The following RARS2 variants were observed in gnomAD, a reference collection of about 807,000 sequenced individuals.
The protein encoded by RARS2 is probable arginine--tRNA ligase, mitochondrial.
In RARS2, 67 loss-of-function variants were observed where a neutral mutation model predicts 88.5. That is an observed-to-expected ratio of 0.76 (90% CI 0.62 to 0.93). The LOEUF is 0.93. Among genes scored for constraint, RARS2 ranks in the 40% least tolerant of loss-of-function variants. The pLI is 0.00. For missense variants in RARS2, 664 were observed against 684.2 expected (o/e 0.97, Z 0.33); for synonymous variants, 239 against 230.3 (o/e 1.04, Z -0.34).
At chr6:87,548,469 C>G in intron 6 of RARS2, 122 bp downstream of exon 6, 1 of 902,432 alleles carries the variant, frequency 1.1e-6, no homozygotes, top group Non-Finnish European at 1.7e-6. Flanking sequence ...GCAGGAGGCT[C>G]ATATAAATTT....
chr6:87,572,772 G>A (rs1320802119), intron 1 of RARS2, among the ~76,000 whole-genome samples: 1 of 152,076 alleles, frequency 6.6e-6, no homozygotes, highest in Admixed American at 6.5e-5. Flanking sequence ...TACCAAAAAT[G>A]AAATGGGGGA....
At chr6:87,563,402 C>A (rs1207514292) in intron 3 of RARS2, among the ~76,000 whole-genome samples, 1 of 152,144 alleles carries the variant, frequency 6.6e-6, no homozygotes, top group Non-Finnish European at 1.5e-5. Flanking sequence ...TGGTAAATAT[C>A]TGGGAGTGAT....
chr6:87,564,059 T>A (rs1582723402), intron 3 of RARS2, 71 bp downstream of exon 3: 2 of 1,137,076 alleles, frequency 1.8e-6, no homozygotes, highest in Admixed American at 1.7e-5. Flanking sequence ...ATGGCTGAGA[T>A]AGCCTGCAAA....
At chr6:87,579,241 C>T (rs1188528281) in intron 1 of RARS2, among the ~76,000 whole-genome samples, 6 of 152,072 alleles carry the variant, frequency 3.9e-5, no homozygotes, top group Admixed American at 2.0e-4. Flanking sequence ...GAATGACCAC[C>T]GGAAATCTTC....
At chr6:87,525,867 A>G (rs544278064) in intron 10 of RARS2, among the ~76,000 whole-genome samples, 118 of 152,104 alleles carry the variant, frequency 7.8e-4, no homozygotes, top group African/African-American at 2.8e-3. Context: ...GCATTTCTAT[A>G]CACAACAACA....
chr6:87,526,200 C>T (rs764931410), intron 10 of RARS2, among the ~76,000 whole-genome samples: 83 of 152,054 alleles, frequency 5.5e-4, no homozygotes, highest in Non-Finnish European at 1.0e-3. Flanking sequence ...CCTCCAAATA[C>T]CCAAAGCAAT....
intron 1 of RARS2, among the ~76,000 whole-genome samples, chr6:87,576,005 G>A (rs1771378914): frequency 6.6e-6 from 1 of 151,372 alleles, no homozygotes; most frequent in Non-Finnish European, 1.5e-5. Context: ...TCACCATGTT[G>A]GCCAGACTAG....
chr6:87,581,105 G>C (rs1374253776), intron 1 of RARS2, among the ~76,000 whole-genome samples: 1 of 152,096 alleles, frequency 6.6e-6, no homozygotes, highest in Non-Finnish European at 1.5e-5. Flanking sequence ...TCAGATAACT[G>C]AGCACAAAGT....
chr6:87,541,819 G>T, intron 8 of RARS2, 99 bp downstream of exon 8: 1 of 938,480 alleles, frequency 1.1e-6, no homozygotes, highest in Non-Finnish European at 1.7e-6. Context: ...GCGAGACCCT[G>T]TCTCAAAATA....
chr6:87,522,283 T>C (rs905814883), intron 11 of RARS2, among the ~76,000 whole-genome samples: 3 of 136,598 alleles, frequency 2.2e-5, no homozygotes, highest in Non-Finnish European at 4.5e-5. Flanking sequence ...TGAGCGAAGA[T>C]CGCACCACTG....
chr6:87,584,754 CA>C, intron 1 of RARS2: 1 of 457,392 alleles, frequency 2.2e-6, no homozygotes, highest in South Asian at 1.6e-5. Flanking sequence ...GAACAGAAGT[CA>C]TATCTCAGGA....
intron 7 of RARS2, among the ~76,000 whole-genome samples, chr6:87,544,678 C>T (rs1171065951): frequency 6.6e-6 from 1 of 152,174 alleles, no homozygotes; most frequent in Non-Finnish European, 1.5e-5. Context: ...ATTTACCTTG[C>T]CCTCTCACAC....
At chr6:87,565,017 C>T (rs1325777521) in intron 2 of RARS2, among the ~76,000 whole-genome samples, 1 of 152,280 alleles carries the variant, frequency 6.6e-6, no homozygotes. Context: ...GAGATCATGC[C>T]ACTGCACTCC....
chr6:87,547,039 T>C (rs554062466), intron 6 of RARS2, among the ~76,000 whole-genome samples: 1 of 152,362 alleles, frequency 6.6e-6, no homozygotes, highest in African/African-American at 2.4e-5. Flanking sequence ...AAGTTACTTT[T>C]GGCTGCTGAA....
At chr6:87,559,847 C>A (rs1055091557) in intron 4 of RARS2, among the ~76,000 whole-genome samples, 2 of 152,176 alleles carry the variant, frequency 1.3e-5, no homozygotes, top group African/African-American at 4.8e-5. Flanking sequence ...AAGCTCCATT[C>A]ATGGTAAATA....
chr6:87,584,190 A>C (rs889096447), intron 1 of RARS2, among the ~76,000 whole-genome samples: 1 of 152,194 alleles, frequency 6.6e-6, no homozygotes, highest in African/African-American at 2.4e-5. Flanking sequence ...TTATCTTCAC[A>C]TTGCGGCATG....
At chr6:87,559,825 TTCCAG>T (rs1049756694) in intron 4 of RARS2, among the ~76,000 whole-genome samples, 12 of 152,218 alleles carry the variant, frequency 7.9e-5, no homozygotes, top group South Asian at 2.1e-4. Flanking sequence ...CCAGAGCAAC[TTCCAG>T]TCCTGCAAGC....
At chr6:87,570,780 T>C (rs777245089) in intron 1 of RARS2, among the ~76,000 whole-genome samples, 9 of 152,104 alleles carry the variant, frequency 5.9e-5, no homozygotes, top group Non-Finnish European at 1.2e-4. Context: ...CTCTAACTTC[T>C]GGCCTCAAGC....
chr6:87,562,103 T>C (rs1273368023), intron 4 of RARS2, among the ~76,000 whole-genome samples: 2 of 152,184 alleles, frequency 1.3e-5, no homozygotes, highest in East Asian at 3.8e-4. Flanking sequence ...CAGTTGGGAC[T>C]ACAGGCGCAA....
Sources: allele counts gnomAD v4.1 joint callset (sites outside exome capture counted in the v4.1 genomes callset), GRCh38; gene constraint gnomAD v4.1.1; transcripts MANE v1.5; gene names NCBI Gene and HGNC (gene_info 2026-07-23, HGNC 2026-07-21).